APOOL: variants seen among roughly 807,000 people sequenced by gnomAD.
APOOL encodes apolipoprotein O like.
Under a neutral mutation model 23.1 loss-of-function variants are expected in APOOL, and 12 were observed. The observed-to-expected ratio is 0.52, with a 90% CI of 0.33 to 0.84. The LOEUF is 0.84. APOOL is among the 40% of genes least tolerant of loss of function. The pLI is 0.02. For synonymous variants in APOOL, 77 were observed against 69.9 expected (o/e 1.10, Z -0.51); for missense variants, 212 against 199.6 (o/e 1.06, Z -0.37).
chrX:85,049,503 G>A (rs1373300362), intron 2 of APOOL, among the ~76,000 whole-genome samples: 1 of 111,661 alleles, frequency 9.0e-6, no homozygotes, highest in Non-Finnish European at 1.9e-5. Context: ...ACCTGAACCC[G>A]TGAGGCGCAG....
At chrX:85,070,893 A>G (rs1005858797) in intron 6 of APOOL, among the ~76,000 whole-genome samples, 2 of 111,627 alleles carry the variant, frequency 1.8e-5, no homozygotes, top group Non-Finnish European at 3.8e-5. Context: ...ATTATTCACA[A>G]TAGTCAAGAT....
Position 85,088,142 on chromosome X carries a change from A to T in APOOL, c.*464A>T, listed in dbSNP as rs1395160412. On this transcript the variant is annotated 3_prime_UTR_variant, in exon 9 of 9. Transcript: ENST00000373173. ...TATAAATACATACATATTTATACAT[A>T]TATGTATAAATACATACATATTTAT... is the stretch of plus-strand genomic sequence containing the variant. 3 of 33,706 alleles carry T rather than the reference A, an allele frequency of 8.9e-5. No individual in the cohort carries two copies. The highest frequency in any genetic ancestry group is 2.6e-3 in the South Asian group (1 of 392). 2.8% of individuals were successfully genotyped at this position (33,706 alleles called of 1,213,427 possible). A position where few individuals can be genotyped will look rare whatever the true frequency, so the allele number is the denominator to read the frequency against.
intron 2 of APOOL, 130 bp from the exon 3 acceptor site, chrX:85,051,259 T>A: frequency 4.0e-6 from 3 of 753,183 alleles, no homozygotes; most frequent in East Asian, 7.0e-5. Flanking sequence ...GATGGTTTTT[T>A]AAAAGTATTT....
At position 85,089,394 on chromosome X, in the gene APOOL, C is replaced by T. The variant is rs904508060; in HGVS notation, c.*1716C>T. On this transcript the variant is annotated 3_prime_UTR_variant, in exon 9 of 9. Coordinates refer to ENST00000373173, the MANE Select transcript of APOOL (RefSeq NM_198450.6). ...TTGGGATTACAGGCGTGAGCCACCGCACCCAGCCCCTACTTGAATTTTTAT... is the reference window on the plus strand; with the variant it reads ...TTGGGATTACAGGCGTGAGCCACCGTACCCAGCCCCTACTTGAATTTTTAT... 2.7e-5 allele frequency: 3 copies of T among 112,391 alleles called. No homozygotes were observed. Among genetic ancestry groups the T allele is most frequent in the Non-Finnish European group, 5.6e-5 (3 of 53,305 alleles). 9.3% of individuals were successfully genotyped at this position (112,391 alleles called of 1,213,427 possible).
Position 85,081,921 on chromosome X carries a change from G to A in APOOL, c.719-5669G>A, listed in dbSNP as rs568973063. Reference sequence around the variant, plus strand: ...CTTGTGCATGAGTCATGTAGCTCTCGTGCCATGATTTTCAGCTCCATCAGG... The same window carrying A: ...CTTGTGCATGAGTCATGTAGCTCTCATGCCATGATTTTCAGCTCCATCAGG... On this transcript the variant is annotated intron_variant, in intron 8 of 8. Coordinates refer to ENST00000373173, the MANE Select transcript of APOOL (RefSeq NM_198450.6). Among the ~76,000 whole-genome samples, 7 of 111,863 alleles carry A rather than the reference G, an allele frequency of 6.3e-5. No homozygotes were observed. In the East Asian group the frequency reaches 1.7e-3, roughly 27 times the overall value.
chrX:85,052,529 G>C (rs1466241670), intron 3 of APOOL, among the ~76,000 whole-genome samples: 2 of 111,551 alleles, frequency 1.8e-5, no homozygotes, highest in Non-Finnish European at 3.8e-5. Flanking sequence ...GTTCTTTTTA[G>C]TTTCTATCCA....
intron 1 of APOOL, among the ~76,000 whole-genome samples, chrX:85,004,365 A>G (rs191395987): frequency 1.2e-4 from 14 of 112,294 alleles, no homozygotes; most frequent in African/African-American, 4.5e-4. Context: ...ACCAGGATAG[A>G]GAGGTCCCAT....
intron 6 of APOOL, among the ~76,000 whole-genome samples, chrX:85,072,146 A>G (rs1433630455): frequency 3.6e-5 from 4 of 112,101 alleles, no homozygotes; most frequent in African/African-American, 9.7e-5. Flanking sequence ...CTATAAATCA[A>G]TGAGCAAAAG....
intron 1 of APOOL, among the ~76,000 whole-genome samples, chrX:85,026,169 A>G (rs1304967046): frequency 8.8e-6 from 1 of 113,344 alleles, no homozygotes; most frequent in African/African-American, 3.2e-5. Flanking sequence ...AGCTACCAAG[A>G]CTTATGTCTT....
At chrX:85,038,957 G>A (rs924079895) in intron 1 of APOOL, among the ~76,000 whole-genome samples, 1 of 110,071 alleles carries the variant, frequency 9.1e-6, no homozygotes, top group Non-Finnish European at 1.9e-5. Flanking sequence ...TTGGTTGGTT[G>A]GTTCTTGTTT....
At chrX:85,070,678 AC>A (rs1265448061) in intron 6 of APOOL, among the ~76,000 whole-genome samples, 1 of 111,054 alleles carries the variant, frequency 9.0e-6, no homozygotes, top group Non-Finnish European at 1.9e-5. Flanking sequence ...ATCCATCACC[AC>A]CCATGCAGCA....
At chrX:85,066,390 C>T (rs765908100) in intron 5 of APOOL, among the ~76,000 whole-genome samples, 73 of 111,320 alleles carry the variant, frequency 6.6e-4, no homozygotes, top group Admixed American at 2.7e-3. Context: ...AAAAGCCACA[C>T]AGCTAGGGTT....
At chrX:85,023,783 G>GA (rs1257439481) in intron 1 of APOOL, among the ~76,000 whole-genome samples, 1 of 112,223 alleles carries the variant, frequency 8.9e-6, no homozygotes, top group Non-Finnish European at 1.9e-5. Context: ...AATATAAGAA[G>GA]AAAGAGAATA....
chrX:85,059,125 G>A (rs1208765704), intron 5 of APOOL, among the ~76,000 whole-genome samples: 2 of 104,112 alleles, frequency 1.9e-5, no homozygotes, highest in Admixed American at 1.1e-4. Context: ...AGAACATGCG[G>A]TGTTTGGTTT....
chrX:85,042,658 T>G (rs1922438099), intron 1 of APOOL, among the ~76,000 whole-genome samples: 1 of 111,967 alleles, frequency 8.9e-6, no homozygotes, highest in African/African-American at 3.2e-5. Flanking sequence ...CCAATATCCC[T>G]GATGAATATT....
intron 3 of APOOL, 53 bp downstream of exon 3, chrX:85,051,561 C>T: frequency 8.4e-7 from 1 of 1,192,183 alleles, no homozygotes; most frequent in Non-Finnish European, 1.1e-6. Flanking sequence ...TTAATTGTTC[C>T]AGTTACCTAC....
At chrX:85,007,272 C>A (rs1461726467) in intron 1 of APOOL, among the ~76,000 whole-genome samples, 2 of 111,219 alleles carry the variant, frequency 1.8e-5, no homozygotes, top group Non-Finnish European at 3.8e-5. Flanking sequence ...GTGCTCACAG[C>A]ATAGGAGGGG....
chrX:85,057,287 C>T (rs1391760054), intron 5 of APOOL, among the ~76,000 whole-genome samples: 1 of 109,646 alleles, frequency 9.1e-6, no homozygotes, highest in Admixed American at 1.0e-4. Context: ...AGTTGCCAGA[C>T]ATTGTCCCCA....
At chrX:85,019,218 A>G (rs1921577560) in intron 1 of APOOL, among the ~76,000 whole-genome samples, 1 of 111,531 alleles carries the variant, frequency 9.0e-6, no homozygotes, top group Non-Finnish European at 1.9e-5. Context: ...TCAATTTTAT[A>G]TGTTGGAAAC....
Sources: gnomAD v4.1 joint callset for allele counts (sites outside exome capture counted in the v4.1 genomes callset) on GRCh38, gnomAD v4.1.1 for gene constraint, MANE v1.5 for transcripts, NCBI Gene and HGNC (gene_info 2026-07-23, HGNC 2026-07-21) for gene names.